The following TMEM132C variants were observed in gnomAD, a reference collection of about 807,000 sequenced individuals.
The protein encoded by TMEM132C is transmembrane protein 132C, also known as protein phosphatase 1, regulatory subunit 152.
A neutral mutation model predicts 61.4 loss-of-function variants in TMEM132C; 29 were observed. The ratio of observed to expected loss-of-function variants is 0.47; its 90% CI spans 0.35 to 0.64. The LOEUF (loss-of-function observed/expected upper bound fraction) is 0.64, where lower values mean the gene tolerates loss of function less well. Ranked by LOEUF, TMEM132C falls within the 30% of genes least tolerant of loss-of-function variation. The pLI, the probability that TMEM132C is intolerant of heterozygous loss-of-function variation, is 0.00. For missense variants in TMEM132C, 1,408 were observed against 1,476.9 expected, an observed-to-expected ratio of 0.95 and a Z score of 0.76; for synonymous variants, 656 against 633.1, an observed-to-expected ratio of 1.04 and a Z score of -0.54.
chr12:128,704,792 T>A (rs1423922080), intron 8 of TMEM132C, among the ~76,000 whole-genome samples: 1 of 152,206 alleles, frequency 6.6e-6, no homozygotes. Context: ...AAGCAATACC[T>A]GTGTGGATAA....
intron 3 of TMEM132C, among the ~76,000 whole-genome samples, chr12:128,546,595 A>G (rs569513865): frequency 6.6e-6 from 1 of 152,238 alleles, no homozygotes; most frequent in Non-Finnish European, 1.5e-5. Flanking sequence ...CAGACTGTGG[A>G]CAAGAGGAAG....
chr12:128,555,033 T>A (rs1043934785), intron 3 of TMEM132C, among the ~76,000 whole-genome samples: 3 of 152,174 alleles, frequency 2.0e-5, no homozygotes, highest in Non-Finnish European at 4.4e-5. Flanking sequence ...CAGAAGCAGC[T>A]GCTGCATCCC....
intron 1 of TMEM132C, among the ~76,000 whole-genome samples, chr12:128,330,955 C>T (rs1007967691): frequency 1.1e-4 from 16 of 152,168 alleles, no homozygotes; most frequent in East Asian, 9.7e-4. Context: ...AACTAACATC[C>T]GCCACAAAAT....
rs117191769 is a variant in TMEM132C at position 128,291,904 on chromosome 12, C to T, written c.85+24417C>T. 1.0e-3 allele frequency among the ~76,000 whole-genome samples: 154 copies of T among 152,322 alleles called. 1 individual carries two copies. The highest frequency in any genetic ancestry group is 7.0e-3 in the East Asian group (36 of 5,172). ...GGACTGCCTGCAGTGATGGCCAGGG[C>T]GTCTCAGGAACCCCGGCTGACCGGA... is the stretch of plus-strand genomic sequence containing the variant. On this transcript the variant is annotated intron_variant, in intron 1 of 8. Coordinates refer to ENST00000435159, the MANE Select transcript of TMEM132C (RefSeq NM_001136103.3).
At position 128,694,580 on chromosome 12, in the gene TMEM132C, G is replaced by C. The variant is rs149931589; in HGVS notation, c.1655+546G>C. 9.7e-4 allele frequency among the ~76,000 whole-genome samples: 148 copies of C among 152,308 alleles called. 4 individuals carry two copies. In the East Asian group the frequency reaches 0.025, roughly 26 times the overall value. Reference sequence around the variant, plus strand: ...GTGACCCCCGGATTAGCAGACATTAGCTAAGTGAAGGTGTTCCTGAGTTCA... The same window carrying C: ...GTGACCCCCGGATTAGCAGACATTACCTAAGTGAAGGTGTTCCTGAGTTCA... On this transcript the variant is annotated intron_variant, in intron 6 of 8. Transcript: ENST00000435159.
chr12:128,547,565 CAA>C (rs34135152), intron 3 of TMEM132C, among the ~76,000 whole-genome samples: 36 of 67,560 alleles, frequency 5.3e-4, no homozygotes, highest in Admixed American at 5.1e-4. Flanking sequence ...CTCTGTCTCA[CAA>C]AAAAAAAAAA....
rs74670511 is a variant in TMEM132C at position 128,271,377 on chromosome 12, A to G, written c.85+3890A>G. ...ATTTCCACAATGTGTACATATATCA[A>G]ATCATCATATTGTACTCTGTAACTG... On this transcript the variant is annotated intron_variant, in intron 1 of 8. Coordinates refer to ENST00000435159, the MANE Select transcript of TMEM132C (RefSeq NM_001136103.3). 1.5e-4 allele frequency among the ~76,000 whole-genome samples: 23 copies of G among 151,960 alleles called. No homozygotes were observed. In the South Asian group the frequency reaches 2.1e-3, roughly 14 times the overall value.
At chr12:128,373,038 T>C (rs1874077524) in intron 1 of TMEM132C, among the ~76,000 whole-genome samples, 1 of 152,202 alleles carries the variant, frequency 6.6e-6, no homozygotes, top group Non-Finnish European at 1.5e-5. Flanking sequence ...TCAGGACTGC[T>C]TTTGGAGACA....
chr12:128,616,051 G>A, intron 3 of TMEM132C, 101 bp from the exon 4 acceptor site: 2 of 1,383,278 alleles, frequency 1.4e-6, no homozygotes, highest in Non-Finnish European at 1.9e-6. Context: ...AGCCATCCCT[G>A]AGATGTGTTT....
rs1158304628 is a variant in TMEM132C at position 128,555,445 on chromosome 12, A to G, written c.1121+11342A>G. ...TACCACAAATTAAAATCTCCCAACC[A>G]ATGGCATAAACTTACATTTTGGGTC... On this transcript the variant is annotated intron_variant, in intron 3 of 8. Coordinates refer to ENST00000435159, the MANE Select transcript of TMEM132C (RefSeq NM_001136103.3). Among the ~76,000 whole-genome samples, 3 of 152,222 alleles carry G rather than the reference A, an allele frequency of 2.0e-5. No individual in the cohort carries two copies. In the East Asian group the frequency reaches 5.8e-4, roughly 29 times the overall value.
At chr12:128,506,648 C>T (rs192214547) in intron 2 of TMEM132C, among the ~76,000 whole-genome samples, 3 of 152,254 alleles carry the variant, frequency 2.0e-5, no homozygotes, top group Admixed American at 6.5e-5. Flanking sequence ...CTTCCGTCTC[C>T]CTTCCTCTGA....
chr12:128,307,264 A>G (rs1225916512), intron 1 of TMEM132C, among the ~76,000 whole-genome samples: 1 of 152,174 alleles, frequency 6.6e-6, no homozygotes. Context: ...TTCTGTCCCC[A>G]AAGTGGGGTG....
chr12:128,448,039 C>T (rs183889249), intron 2 of TMEM132C, among the ~76,000 whole-genome samples: 8 of 152,246 alleles, frequency 5.3e-5, no homozygotes, highest in South Asian at 2.1e-4. Flanking sequence ...ATTCCTAAAA[C>T]GATCCCACCG....
chr12:128,448,372 C>T (rs79923690), intron 2 of TMEM132C, among the ~76,000 whole-genome samples: 4,418 of 152,238 alleles, frequency 0.029, 209 homozygotes, highest in African/African-American at 0.098. Context: ...TGCTCTTGGC[C>T]GGGCTCACTC....
At chr12:128,374,326 G>C (rs1434503532) in intron 1 of TMEM132C, among the ~76,000 whole-genome samples, 1 of 152,178 alleles carries the variant, frequency 6.6e-6, no homozygotes, top group Non-Finnish European at 1.5e-5. Flanking sequence ...GGGAAGAAGA[G>C]GTGTCAAGAT....
At position 128,621,703 on chromosome 12, in the gene TMEM132C, G is replaced by A. The variant is rs142580842; in HGVS notation, c.1305+5368G>A. Reference sequence around the variant, plus strand: ...CTGCCCGGCCTGATGTGTGTCTTGCGGGCGTGTGGTCCTCCACGCCCACAC... The same window carrying A: ...CTGCCCGGCCTGATGTGTGTCTTGCAGGCGTGTGGTCCTCCACGCCCACAC... On this transcript the variant is annotated intron_variant, in intron 4 of 8. Coordinates refer to ENST00000435159, the MANE Select transcript of TMEM132C (RefSeq NM_001136103.3). Among the ~76,000 whole-genome samples, 450 of 152,260 alleles carry A rather than the reference G, an allele frequency of 3.0e-3. 3 individuals are homozygous for A. Among genetic ancestry groups the A allele is most frequent in the African/African-American group, 1.0e-2 (415 of 41,546 alleles).
intron 3 of TMEM132C, among the ~76,000 whole-genome samples, chr12:128,585,154 C>T (rs538588815): frequency 1.1e-4 from 17 of 152,220 alleles, no homozygotes; most frequent in Non-Finnish European, 2.4e-4. Flanking sequence ...CTTTTTTGAA[C>T]ACTATGTTCT....
At chr12:128,686,071 G>A (rs1450629837) in intron 5 of TMEM132C, among the ~76,000 whole-genome samples, 3 of 147,252 alleles carry the variant, frequency 2.0e-5, no homozygotes, top group Non-Finnish European at 3.0e-5. Flanking sequence ...GTGTGCATGC[G>A]TGTGTGCGCA....
At chr12:128,443,245 A>T (rs772749926) in intron 2 of TMEM132C, among the ~76,000 whole-genome samples, 1 of 152,124 alleles carries the variant, frequency 6.6e-6, no homozygotes, top group Non-Finnish European at 1.5e-5. Flanking sequence ...AAAAATGATA[A>T]AATGGACATT....
Sources: allele counts gnomAD v4.1 joint callset (sites outside exome capture counted in the v4.1 genomes callset), GRCh38; gene constraint gnomAD v4.1.1; transcripts MANE v1.5; gene names NCBI Gene and HGNC (gene_info 2026-07-23, HGNC 2026-07-21).